The following CPSF3 variants were observed in gnomAD, a reference collection of about 807,000 sequenced individuals.
The protein encoded by CPSF3 is cleavage and polyadenylation specific factor 3, also known as cleavage and polyadenylation specificity factor subunit 3.
CPSF3 carries 57 observed loss-of-function variants against 84.1 expected under a neutral mutation model. The ratio of observed to expected loss-of-function variants is 0.68; its 90% CI spans 0.55 to 0.85. CPSF3 has a LOEUF of 0.85. Among genes scored for constraint, CPSF3 ranks in the 40% least tolerant of loss-of-function variants. CPSF3 has a pLI of 0.00. For missense variants in CPSF3, 522 were observed against 838.8 expected (o/e 0.62, Z 4.66); for synonymous variants, 275 against 278.1 (o/e 0.99, Z 0.11).
At position 9,430,780 on chromosome 2, in the gene CPSF3, C is replaced by T. The variant is rs1195536015; in HGVS notation, c.241C>T (p.Pro81Ser). Residue 81 changes from proline (P) to serine (S), a missense_variant, in exon 4 of 18, where the codon CCC becomes TCC. Coordinates refer to ENST00000238112, the MANE Select transcript of CPSF3 (RefSeq NM_016207.4). ...CCATTTGGATCACTGTGGAGCTCTG[C>T]CCTGGTTTCTACAGAAGACAAGTTT... ...HFHLDHCGAL[P>S]WFLQKTSFKG... The T allele has an allele frequency of 6.2e-7, 1 of 1,613,724 alleles. No individual in the cohort carries two copies. Among genetic ancestry groups the T allele is most frequent in the Non-Finnish European group, 8.5e-7 (1 of 1,179,740 alleles).
At chr2:9,435,890 G>A (rs1328875753) in intron 6 of CPSF3, among the ~76,000 whole-genome samples, 6 of 151,682 alleles carry the variant, frequency 4.0e-5, no homozygotes, top group Admixed American at 3.3e-4. Context: ...CCACCACCAC[G>A]CCCAGCTTAT....
chr2:9,432,836 CT>C, intron 5 of CPSF3, 148 bp downstream of exon 5: 1 of 586,558 alleles, frequency 1.7e-6, no homozygotes, highest in Non-Finnish European at 2.5e-6. Context: ...ACGCTTGTTC[CT>C]TTTAAATATT....
chr2:9,424,600 C>A (rs1030547245), intron 1 of CPSF3: 1 of 152,240 alleles, frequency 6.6e-6, no homozygotes, highest in African/African-American at 2.4e-5. Flanking sequence ...GAAAGTATCT[C>A]CTTTACACAA....
chr2:9,441,997 G>A (rs1331553771), intron 9 of CPSF3, 21 bp downstream of exon 9: 1 of 1,611,670 alleles, frequency 6.2e-7, no homozygotes. Flanking sequence ...GTCATAGGCT[G>A]TTGTGTTATT....
intron 10 of CPSF3, among the ~76,000 whole-genome samples, chr2:9,445,242 G>A (rs183833437): frequency 4.5e-4 from 68 of 152,232 alleles, no homozygotes; most frequent in Non-Finnish European, 2.5e-4. Context: ...TCATATAAGA[G>A]GAATCATAAT....
At chr2:9,438,172 A>C (rs1391941651) in intron 7 of CPSF3, among the ~76,000 whole-genome samples, 1 of 152,252 alleles carries the variant, frequency 6.6e-6, no homozygotes, top group Non-Finnish European at 1.5e-5. Flanking sequence ...AGTTGGAAGA[A>C]ATGACCCCAG....
At chr2:9,450,649 G>A (rs1339603103) in intron 11 of CPSF3, among the ~76,000 whole-genome samples, 2 of 152,108 alleles carry the variant, frequency 1.3e-5, no homozygotes, top group South Asian at 2.1e-4. Flanking sequence ...TTAGCCAGTC[G>A]TGGTTGTGCG....
intron 15 of CPSF3, among the ~76,000 whole-genome samples, chr2:9,460,509 A>C (rs186516103): frequency 6.6e-6 from 1 of 152,292 alleles, no homozygotes; most frequent in Non-Finnish European, 1.5e-5. Flanking sequence ...GTAGATTAGG[A>C]AGATATGCTA....
chr2:9,447,484 A>T (rs956617252), intron 10 of CPSF3, among the ~76,000 whole-genome samples: 1 of 151,472 alleles, frequency 6.6e-6, no homozygotes, highest in South Asian at 2.1e-4. Context: ...GTCTCCAAAA[A>T]TATATCAATA....
chr2:9,453,754 G>A (rs34118021), intron 12 of CPSF3, among the ~76,000 whole-genome samples: 1 of 151,886 alleles, frequency 6.6e-6, no homozygotes, highest in African/African-American at 2.4e-5. Flanking sequence ...AGCTGTATGT[G>A]GTGGCACGTG....
At chr2:9,435,180 A>G (rs1179192923) in intron 6 of CPSF3, among the ~76,000 whole-genome samples, 1 of 152,208 alleles carries the variant, frequency 6.6e-6, no homozygotes, top group Non-Finnish European at 1.5e-5. Context: ...CGCTTCTGAT[A>G]AGCTCCCAAG....
chr2:9,455,489 C>T (rs1681494092), intron 12 of CPSF3, among the ~76,000 whole-genome samples, 170 bp from the exon 13 acceptor site: 1 of 152,142 alleles, frequency 6.6e-6, no homozygotes, highest in South Asian at 2.1e-4. Context: ...GAGGTAGGGA[C>T]ATAGGGAGAT....
intron 14 of CPSF3, 120 bp downstream of exon 14, chr2:9,457,147 ATGTGTGTG>A (rs70948817): frequency 8.1e-4 from 271 of 333,976 alleles, no homozygotes; most frequent in African/African-American, 2.2e-3. Flanking sequence ...TGGAAAGTAT[ATGTGTGTG>A]TGTGTGTGTG....
At chr2:9,425,300 T>G (rs1026287121) in intron 1 of CPSF3, among the ~76,000 whole-genome samples, 63 of 152,206 alleles carry the variant, frequency 4.1e-4, no homozygotes, top group African/African-American at 1.5e-3. Flanking sequence ...ACACAGGAGT[T>G]TGGACCTTTA....
At chr2:9,468,335 A>G (rs937316671) in intron 16 of CPSF3, among the ~76,000 whole-genome samples, 2 of 152,050 alleles carry the variant, frequency 1.3e-5, no homozygotes, top group African/African-American at 4.8e-5. Flanking sequence ...GGCTCGAGCA[A>G]TCCGCCTCAG....
intron 15 of CPSF3, among the ~76,000 whole-genome samples, chr2:9,466,329 C>G (rs987084102): frequency 1.0e-3 from 64 of 63,542 alleles, no homozygotes; most frequent in African/African-American, 3.1e-3. Flanking sequence ...CGCACACAGA[C>G]GCACGCACAC....
chr2:9,455,233 T>C (rs754322597), intron 12 of CPSF3, among the ~76,000 whole-genome samples: 4 of 151,036 alleles, frequency 2.6e-5, no homozygotes, highest in Non-Finnish European at 5.9e-5. Context: ...GCCTCCTGGG[T>C]TCAAGCAATT....
chr2:9,424,589 A>G (rs1232974083), intron 1 of CPSF3: 1 of 152,276 alleles, frequency 6.6e-6, no homozygotes, highest in Non-Finnish European at 1.5e-5. Context: ...TCCAAAAGGT[A>G]GAAAGTATCT....
chr2:9,469,850 A>C (rs1682103636), intron 16 of CPSF3, among the ~76,000 whole-genome samples: 2 of 152,222 alleles, frequency 1.3e-5, no homozygotes, highest in South Asian at 4.1e-4. Flanking sequence ...TCTTCAGAGA[A>C]GCCAACAGTG....
Sources: gnomAD v4.1 joint callset for allele counts (sites outside exome capture counted in the v4.1 genomes callset) on GRCh38, gnomAD v4.1.1 for gene constraint, MANE v1.5 for transcripts, NCBI Gene and HGNC (gene_info 2026-07-23, HGNC 2026-07-21) for gene names.